Variants in AGO3 observed in about 807,000 individuals in gnomAD.
AGO3 encodes protein argonaute-3.
In AGO3, 16 loss-of-function variants were observed where a neutral mutation model predicts 105.5. The ratio of observed to expected loss-of-function variants is 0.15; its 90% CI spans 0.10 to 0.23. The LOEUF is 0.23. Among genes scored for constraint, AGO3 ranks in the 10% least tolerant of loss-of-function variants. The pLI, the probability that AGO3 is intolerant of heterozygous loss-of-function variation, is 1.00. For synonymous variants in AGO3, 340 were observed against 367.3 expected (o/e 0.93, Z 0.85); for missense variants, 534 against 1,088.0 (o/e 0.49, Z 7.16).
chr1:35,994,581 A>G (rs1648086491), intron 5 of AGO3, among the ~76,000 whole-genome samples: 1 of 136,882 alleles, frequency 7.3e-6, no homozygotes, highest in Non-Finnish European at 1.5e-5. Flanking sequence ...GTAAAGGAAG[A>G]AATAAAACTC....
Position 36,064,660 on chromosome 1 carries a change from T to G in AGO3, c.*8915T>G, listed in dbSNP as rs1643066854. The G allele has an allele frequency of 6.6e-6, 1 of 152,230 alleles. No homozygotes were observed. The highest frequency in any genetic ancestry group is 1.5e-5 in the Non-Finnish European group (1 of 68,040). 9.4% of individuals were successfully genotyped at this position (152,230 alleles called of 1,614,324 possible). On this transcript the variant is annotated 3_prime_UTR_variant, in exon 19 of 19. Transcript: ENST00000373191. ...ATGGGAAAATTTTATTTTTATATGA[T>G]GTAAAGTTTTACAGTTTAAAATAGA...
At chr1:36,007,991 T>G (rs1640416297) in intron 6 of AGO3, among the ~76,000 whole-genome samples, 1 of 152,202 alleles carries the variant, frequency 6.6e-6, no homozygotes, top group Admixed American at 6.5e-5. Flanking sequence ...TGCTAAATTA[T>G]GTATATGTGC....
chr1:36,009,701 T>C, intron 9 of AGO3, 107 bp downstream of exon 9: 1 of 1,153,640 alleles, frequency 8.7e-7, no homozygotes. Context: ...TTTCATGGAC[T>C]GTCAGAATTA....
At position 36,008,760 on chromosome 1, in the gene AGO3, G is replaced by A. The variant is rs763311071; in HGVS notation, c.864G>A (p.Arg288=). ...RKYRVCNVTR[R]PASHQTFPLQ... is the part of the protein sequence containing the mutation. Reference sequence around the variant, plus strand: ...ACCGTGTTTGTAATGTAACAAGGAGGCCTGCCAGTCATCAAACGTAAGAAA... The same window carrying A: ...ACCGTGTTTGTAATGTAACAAGGAGACCTGCCAGTCATCAAACGTAAGAAA... Residue 288 remains arginine (R), a synonymous_variant, in exon 7 of 19, where the codon AGG becomes AGA. Transcript: ENST00000373191. The surrounding 1 kb of genome is among the most constrained non-coding windows in gnomAD (Gnocchi z 5.1). 2 of 1,614,134 alleles carry A rather than the reference G, an allele frequency of 1.2e-6. No individual in the cohort carries two copies. The highest frequency in any genetic ancestry group is 1.1e-5 in the South Asian group (1 of 91,080).
At chr1:36,010,662 C>G (rs548719747) in intron 9 of AGO3, among the ~76,000 whole-genome samples, 1 of 150,608 alleles carries the variant, frequency 6.6e-6, no homozygotes, top group African/African-American at 2.4e-5. Context: ...AATCCCAGCA[C>G]TTTCGGAGGC....
rs924913803 is a variant in AGO3 at position 35,975,821 on chromosome 1, G to A, written c.658+2310G>A. ...TAGGACAAATTGGCATATTTAAGGT[G>A]TTGTCTTTTCTGTCAAAGAATATAC... On this transcript the variant is annotated intron_variant, in intron 5 of 18. Transcript: ENST00000373191. Among the ~76,000 whole-genome samples the A allele has an allele frequency of 1.4e-4, 21 of 151,680 alleles. No homozygotes were observed. The South Asian group carries it at 1.5e-3, about 10-fold the overall frequency.
chr1:35,956,379 C>T (rs560549182), intron 2 of AGO3, among the ~76,000 whole-genome samples: 1 of 152,048 alleles, frequency 6.6e-6, no homozygotes, highest in East Asian at 1.9e-4. Context: ...GGCAGAAGTT[C>T]AATAGGTTAT....
chr1:36,005,730 T>G (rs114579315), intron 6 of AGO3: 3 of 985,300 alleles, frequency 3.0e-6, no homozygotes, highest in African/African-American at 1.7e-5. Flanking sequence ...AAATACAAGA[T>G]GTACAGAACA....
chr1:36,043,957 C>A (rs1642356447), intron 17 of AGO3, among the ~76,000 whole-genome samples: 2 of 152,128 alleles, frequency 1.3e-5, no homozygotes, highest in African/African-American at 2.4e-5. Flanking sequence ...CTCAGCCTCC[C>A]AAGTAGTTGG....
chr1:35,993,272 A>C (rs573688702), intron 5 of AGO3, among the ~76,000 whole-genome samples: 33 of 152,292 alleles, frequency 2.2e-4, no homozygotes, highest in Admixed American at 2.2e-3. Flanking sequence ...GAAAGTAAGA[A>C]ATAATAAAGA....
intron 14 of AGO3, among the ~76,000 whole-genome samples, chr1:36,037,149 G>A (rs1461399211): frequency 6.6e-6 from 1 of 152,006 alleles, no homozygotes; most frequent in Non-Finnish European, 1.5e-5. Flanking sequence ...AAAATCACTT[G>A]ATTTTAACAA....
At chr1:36,043,030 A>G (rs1361743271) in intron 16 of AGO3, among the ~76,000 whole-genome samples, 3 of 152,200 alleles carry the variant, frequency 2.0e-5, no homozygotes, top group Admixed American at 2.0e-4. Flanking sequence ...ACTGTTGTTG[A>G]TCTTGTCAGC....
At chr1:35,957,830 C>T (rs1319191345) in intron 2 of AGO3, among the ~76,000 whole-genome samples, 1 of 152,086 alleles carries the variant, frequency 6.6e-6, no homozygotes, top group East Asian at 1.9e-4. Flanking sequence ...CTTTGGGAGG[C>T]CAAGGCAGGA....
At position 35,967,013 on chromosome 1, in the gene AGO3, C is replaced by T. The variant is rs1285355324; in HGVS notation, c.250C>T (p.Pro84Ser). The change falls in exon 3 of 19, where the codon CCA (proline) becomes TCA (serine). Residue 84 changes from proline (P) to serine (S), a missense_variant. Physicochemically the swap from Pro to Ser is moderately conservative, Grantham distance 74 (BLOSUM62 -1). This residue lies in a region of AGO3 where 161 missense variants were observed against 234.0 expected (regional missense o/e 0.69). Transcript: ENST00000373191. ...FKVTIFGDRRPVYDGKRSLYT... is the reference protein window; with the variant it reads ...FKVTIFGDRRSVYDGKRSLYT... ...AGTAACTATATTTGGAGACCGTAGACCAGTTTATGATGGAAAAAGAAGTCT... is the reference window on the plus strand; with the variant it reads ...AGTAACTATATTTGGAGACCGTAGATCAGTTTATGATGGAAAAAGAAGTCT... 2 of 1,613,600 alleles carry T rather than the reference C, an allele frequency of 1.2e-6. No homozygotes were observed. Among genetic ancestry groups the T allele is most frequent in the Non-Finnish European group, 1.7e-6 (2 of 1,179,868 alleles).
At chr1:36,053,529 C>T (rs1445687815) in intron 17 of AGO3, among the ~76,000 whole-genome samples, 1 of 152,050 alleles carries the variant, frequency 6.6e-6, no homozygotes, top group Non-Finnish European at 1.5e-5. Flanking sequence ...CCTACCTTGT[C>T]CTCCCAAAGT....
In AGO3 at chr1:36,008,798, C is replaced by G; in HGVS notation, c.881+21C>G. 1.2e-6 allele frequency: 2 copies of G among 1,614,002 alleles called. No homozygotes were observed. The highest frequency in any genetic ancestry group is 1.7e-6 in the Non-Finnish European group (2 of 1,179,946). ...CAAACGTAAGAAAAGTTTGTCAGAGCAGCGATGGTGTGAGGCAGCTTGCTC... is the reference window on the plus strand; with the variant it reads ...CAAACGTAAGAAAAGTTTGTCAGAGGAGCGATGGTGTGAGGCAGCTTGCTC... On this transcript the variant is annotated intron_variant, in intron 7 of 18. Transcript: ENST00000373191. The surrounding 1 kb of genome is among the most constrained non-coding windows in gnomAD (Gnocchi z 5.1).
intron 9 of AGO3, 114 bp from the exon 10 acceptor site, chr1:36,013,516 C>G: frequency 7.3e-7 from 1 of 1,368,066 alleles, no homozygotes; most frequent in Non-Finnish European, 1.0e-6. Context: ...ATTGATTAGA[C>G]CTGTTGGAAA....
chr1:35,949,236 C>T lies in AGO3; in HGVS notation c.191+3373C>T, dbSNP rs1023081726. On this transcript the variant is annotated intron_variant, in intron 2 of 18. Coordinates refer to ENST00000373191, the MANE Select transcript of AGO3 (RefSeq NM_024852.4). ...GGGATTACAGGCGTGAGCTACCGCA[C>T]CCGGCCCAAGTTTTTATAGGAACTG... Among the ~76,000 whole-genome samples, 6 of 152,308 alleles carry T rather than the reference C, an allele frequency of 3.9e-5. No individual in the cohort carries two copies. In the East Asian group the frequency reaches 9.6e-4, roughly 24 times the overall value.
rs144330582 is a variant in AGO3, at chr1:35,958,522, A to G, written c.192-8433A>G. Among the ~76,000 whole-genome samples, 1,019 of 152,188 alleles carry G rather than the reference A, an allele frequency of 6.7e-3. 8 individuals are homozygous for G. The highest frequency in any genetic ancestry group is 0.023 in the African/African-American group (967 of 41,532). ...CAAGAAATACAAAAATTAGCTGGGC[A>G]TGGTGGCACACTCCTGTAGTCCCAG... On this transcript the variant is annotated intron_variant, in intron 2 of 18. Transcript: ENST00000373191.
Sources: gnomAD v4.1 joint callset for allele counts (sites outside exome capture counted in the v4.1 genomes callset) on GRCh38, gnomAD v4.1.1 for gene constraint, gnomAD v4.1.1 regional missense constraint, Gnocchi (gnomAD v3.1) non-coding constraint, MANE v1.5 for transcripts, NCBI Gene and HGNC (gene_info 2026-07-23, HGNC 2026-07-21) for gene names.